The following NTMT2 variants were observed in gnomAD, a reference collection of about 807,000 sequenced individuals.
NTMT2 encodes N-terminal Xaa-Pro-Lys N-methyltransferase 2, also known as X-Pro-Lys N-terminal protein methyltransferase 1B.
In NTMT2, 21 loss-of-function variants were observed where a neutral mutation model predicts 23.4. The observed-to-expected ratio is 0.90, with a 90% CI of 0.64 to 1.29. NTMT2 has a LOEUF of 1.29. Ranked by LOEUF, NTMT2 falls within the 50% of genes most tolerant of loss-of-function variation. The pLI, the probability that NTMT2 is intolerant of heterozygous loss-of-function variation, is 0.00. For synonymous variants in NTMT2, 131 were observed against 127.7 expected (o/e 1.03, Z -0.17); for missense variants, 336 against 352.0 (o/e 0.95, Z 0.36).
chr1:170,157,928 G>A (rs1673195170), intron 1 of NTMT2: 1 of 151,980 alleles, frequency 6.6e-6, no homozygotes, highest in African/African-American at 2.4e-5. Context: ...TATTTTTGAA[G>A]TCTATGTTTT....
chr1:170,166,438 G>A lies in NTMT2; in HGVS notation c.331-64G>A, dbSNP rs1397753109. 30 of 1,538,108 alleles carry A rather than the reference G, an allele frequency of 2.0e-5. No homozygotes were observed. The South Asian group carries it at 3.3e-4, about 17-fold the overall frequency. On this transcript the variant is annotated intron_variant, in intron 2 of 3. Coordinates refer to ENST00000439373, the MANE Select transcript of NTMT2 (RefSeq NM_001136107.2). ...TTACAAGCGTGAGCCACCGCGCCCG[G>A]CCTGGGTGTGCAATTTTCAAGGATG... is the stretch of plus-strand genomic sequence containing the variant.
intron 2 of NTMT2, among the ~76,000 whole-genome samples, chr1:170,163,631 G>T (rs1158054975): frequency 6.6e-6 from 1 of 151,866 alleles, no homozygotes; most frequent in East Asian, 1.9e-4. Flanking sequence ...AAAAAATCTG[G>T]GTCTACTAAC....
intron 2 of NTMT2, among the ~76,000 whole-genome samples, chr1:170,163,914 G>A (rs1239679656): frequency 6.6e-6 from 1 of 152,112 alleles, no homozygotes; most frequent in African/African-American, 2.4e-5. Context: ...CTGAGGTCAG[G>A]AGTTCCAGAC....
intron 1 of NTMT2, among the ~76,000 whole-genome samples, chr1:170,159,908 C>T (rs1429541665): frequency 6.6e-6 from 1 of 152,080 alleles, no homozygotes; most frequent in Non-Finnish European, 1.5e-5. Flanking sequence ...TGTGAATGTG[C>T]CTGGCACACT....
In NTMT2 at chr1:170,166,538, T is replaced by C. The variant is rs1422163770; in HGVS notation, c.367T>C (p.Cys123Arg). 6.4e-6 allele frequency: 10 copies of C among 1,552,218 alleles called. No homozygotes were observed. The highest frequency in any genetic ancestry group is 1.4e-5 in the African/African-American group (1 of 73,002). Residue 123 changes from cysteine to arginine, a missense_variant, in exon 3 of 4, where the codon TGC becomes CGC. By Grantham distance (180) the Cys-to-Arg change is radical. Transcript: ENST00000439373. The stretch of plus-strand genomic sequence containing the variant: ...AGCTGGAACAGACTGCGCCTTGGAC[T>C]GCGGCTCCGGGATAGGAAGGGTCAG... ...GRAGTDCALD[C>R]GSGIGRVSKH...
At chr1:170,149,107 A>G (rs749779479) in intron 1 of NTMT2, among the ~76,000 whole-genome samples, 16 of 152,260 alleles carry the variant, frequency 1.1e-4, no homozygotes, top group Non-Finnish European at 2.4e-4. Context: ...ATTATTGTCA[A>G]AGTATTGTGC....
chr1:170,151,636 A>T (rs543287993), intron 1 of NTMT2, among the ~76,000 whole-genome samples: 1 of 152,062 alleles, frequency 6.6e-6, no homozygotes, highest in Non-Finnish European at 1.5e-5. Flanking sequence ...CTGCAAGACC[A>T]TTTTTCTCTT....
chr1:170,166,821 A>G, intron 3 of NTMT2, 70 bp downstream of exon 3: 1 of 1,502,440 alleles, frequency 6.7e-7, no homozygotes, highest in Non-Finnish European at 9.0e-7. Context: ...CTTGGGGCTA[A>G]TGAGGGCACC....
intron 2 of NTMT2, among the ~76,000 whole-genome samples, chr1:170,166,144 T>C (rs55749121): frequency 0.03 from 4,098 of 134,606 alleles, 96 homozygotes; most frequent in Middle Eastern, 0.072. Context: ...TTTTTTCTTT[T>C]TTTTTTTTTT....
At chr1:170,154,679 G>T (rs1246332364) in intron 1 of NTMT2, among the ~76,000 whole-genome samples, 1 of 151,238 alleles carries the variant, frequency 6.6e-6, no homozygotes, top group Non-Finnish European at 1.5e-5. Flanking sequence ...TTATGGGGTT[G>T]TAGGTGGAGG....
chr1:170,165,302 C>T (rs1673357744), intron 2 of NTMT2, among the ~76,000 whole-genome samples: 1 of 152,194 alleles, frequency 6.6e-6, no homozygotes, highest in Admixed American at 6.5e-5. Context: ...TCCCTACCTC[C>T]ACCACCTTGC....
rs541507572 is a variant in NTMT2 at position 170,146,210 on chromosome 1, C to T, written c.103C>T (p.Arg35Cys). Residue 35 changes from arginine to cysteine, a missense_variant, in exon 1 of 4, where the codon CGC (arginine) becomes TGC (cysteine). By Grantham distance (180) the Arg-to-Cys change is radical. Transcript: ENST00000439373. ...GTCTTTTATCCTTCACAAAGCCATT[C>T]GCAATGACTTCTTTCAGAGCTATCT... ...SMSFILHKAI[R>C]NDFFQSYLYL... The T allele has an allele frequency of 8.3e-5, 128 of 1,550,830 alleles. No homozygotes were observed. The highest frequency in any genetic ancestry group is 6.7e-4 in the Middle Eastern group (4 of 5,988).
At chr1:170,156,333 T>C (rs994174658) in intron 1 of NTMT2, among the ~76,000 whole-genome samples, 11 of 152,178 alleles carry the variant, frequency 7.2e-5, no homozygotes, top group Non-Finnish European at 1.3e-4. Context: ...TGGGGCTTAA[T>C]AACTGAATCA....
rs1372804326 is a variant in NTMT2 at position 170,146,215 on chromosome 1, T to C, written c.108T>C (p.Asn36=). 1 of 1,550,872 alleles carries C rather than the reference T, an allele frequency of 6.4e-7. No individual in the cohort carries two copies. Among genetic ancestry groups the C allele is most frequent in the African/African-American group, 1.4e-5 (1 of 72,720 alleles). The change falls in exon 1 of 4, where the codon AAT becomes AAC. Residue 36 remains asparagine, a synonymous_variant. Coordinates refer to ENST00000439373, the MANE Select transcript of NTMT2 (RefSeq NM_001136107.2). ...TTATCCTTCACAAAGCCATTCGCAA[T>C]GACTTCTTTCAGAGCTATCTCTACC... ...MSFILHKAIR[N]DFFQSYLYLL... is the part of the protein sequence containing the mutation.
In NTMT2 at chr1:170,168,570, A is replaced by C. The variant is rs955896291; in HGVS notation, c.*813A>C. On this transcript the variant is annotated 3_prime_UTR_variant, in exon 4 of 4. Transcript: ENST00000439373. ...GTCAGTTTTACTACCCAATGATGTAATATGGATGTAATTTGATAACAGAAG... is the reference window on the plus strand; with the variant it reads ...GTCAGTTTTACTACCCAATGATGTACTATGGATGTAATTTGATAACAGAAG... 6.6e-6 allele frequency among the ~76,000 whole-genome samples: 1 copy of C among 152,262 alleles called. No individual in the cohort carries two copies. The highest frequency in any genetic ancestry group is 1.5e-5 in the Non-Finnish European group (1 of 68,050).
rs145826669 is a variant in NTMT2 at position 170,151,319 on chromosome 1, T to C, written c.154+5058T>C. 964 of 154,402 alleles carry C rather than the reference T, an allele frequency of 6.2e-3. 9 individuals are homozygous for C. Among genetic ancestry groups the C allele is most frequent in the African/African-American group, 0.022 (921 of 41,586 alleles). 9.6% of individuals were successfully genotyped at this position (154,402 alleles called of 1,614,324 possible). On this transcript the variant is annotated intron_variant, in intron 1 of 3. Coordinates refer to ENST00000439373, the MANE Select transcript of NTMT2 (RefSeq NM_001136107.2). ...AGTACCTAGCATAATACCTGGCACA[T>C]AGGAGGTATCCTCTCTTGCGTTGAT...
intron 1 of NTMT2, among the ~76,000 whole-genome samples, chr1:170,152,210 C>T (rs1032647725): frequency 1.3e-5 from 2 of 152,092 alleles, no homozygotes; most frequent in African/African-American, 4.8e-5. Context: ...GAGACGTACA[C>T]AAATACTTTT....
At chr1:170,160,483 A>C (rs1000632348) in intron 1 of NTMT2, 35 bp from the exon 2 acceptor site, 1 of 1,418,034 alleles carries the variant, frequency 7.1e-7, no homozygotes, top group Non-Finnish European at 9.3e-7. Context: ...TTATCTTATA[A>C]ATATTAATAC....
rs1456074952 is a variant in NTMT2 at position 170,166,546 on chromosome 1, C to T, written c.375C>T (p.Ser125=). 11 of 1,552,120 alleles carry T rather than the reference C, an allele frequency of 7.1e-6. No individual in the cohort carries two copies. Among genetic ancestry groups the T allele is most frequent in the East Asian group, 2.4e-5 (1 of 40,926 alleles). The part of the protein sequence containing the change: ...AGTDCALDCG[S]GIGRVSKHVL... ...CAGACTGCGCCTTGGACTGCGGCTCCGGGATAGGAAGGGTCAGCAAACACG... is the reference window on the plus strand; with the variant it reads ...CAGACTGCGCCTTGGACTGCGGCTCTGGGATAGGAAGGGTCAGCAAACACG... Residue 125 remains serine (S), a synonymous_variant, in exon 3 of 4, where the codon TCC becomes TCT. Transcript: ENST00000439373.
Sources: gnomAD v4.1 joint callset for allele counts (sites outside exome capture counted in the v4.1 genomes callset) on GRCh38, gnomAD v4.1.1 for gene constraint, MANE v1.5 for transcripts, NCBI Gene and HGNC (gene_info 2026-07-23, HGNC 2026-07-21) for gene names.